Variants in HHIP observed in about 807,000 individuals in gnomAD.
HHIP encodes the protein hedgehog interacting protein.
Under a neutral mutation model 74.0 loss-of-function variants are expected in HHIP, and 12 were observed. The observed-to-expected ratio is 0.16, with a 90% CI of 0.10 to 0.26. The LOEUF (loss-of-function observed/expected upper bound fraction) is 0.26, where lower values mean the gene tolerates loss of function less well. HHIP is among the 10% of genes least tolerant of loss of function. The pLI, the probability that HHIP is intolerant of heterozygous loss-of-function variation, is 1.00. For missense variants in HHIP, 788 were observed against 845.0 expected, an observed-to-expected ratio of 0.93 and a Z score of 0.84; for synonymous variants, 309 against 311.6, an observed-to-expected ratio of 0.99 and a Z score of 0.09.
intron 11 of HHIP, among the ~76,000 whole-genome samples, chr4:144,729,918 T>C (rs1051649757): frequency 6.6e-6 from 1 of 152,206 alleles, no homozygotes; most frequent in African/African-American, 2.4e-5. Flanking sequence ...TTTATTTTTG[T>C]TAGACAAAAT....
At chr4:144,689,990 T>A (rs1729600602) in intron 4 of HHIP, among the ~76,000 whole-genome samples, 1 of 151,956 alleles carries the variant, frequency 6.6e-6, no homozygotes, top group Admixed American at 6.6e-5. Flanking sequence ...TGTATTTTTA[T>A]AGAGACAGGG....
rs1731158289 is a variant in HHIP at position 144,737,773 on chromosome 4, A to C, written c.1919A>C (p.Glu640Ala). 1 of 1,603,856 alleles carries C rather than the reference A, an allele frequency of 6.2e-7. No homozygotes were observed. The highest frequency in any genetic ancestry group is 1.1e-5 in the South Asian group (1 of 89,614). ...TCTTTTTCTCTCCCAGCAAAATGTG[A>C]GCCAGCATGTCGTCATGGAGGTGTC... The part of the protein sequence containing the change: ...EGDFCRTAKC[E>A]PACRHGGVCV... Residue 640 changes from glutamate to alanine, a missense_variant, in exon 13 of 13, where the codon GAG becomes GCG. By Grantham distance (107) the Glu-to-Ala change is moderately radical (BLOSUM62 -1). This residue lies in a region of HHIP where 343 missense variants were observed against 347.9 expected (regional missense o/e 0.99). Transcript: ENST00000296575.
Position 144,713,536 on chromosome 4 carries a change from C to G in HHIP, c.1424-689C>G, listed in dbSNP as rs150419811. Among the ~76,000 whole-genome samples, 148 of 152,214 alleles carry G rather than the reference C, an allele frequency of 9.7e-4. 1 individual carries two copies. Among genetic ancestry groups the G allele is most frequent in the African/African-American group, 3.4e-3 (143 of 41,562 alleles). On this transcript the variant is annotated intron_variant, in intron 8 of 12. Transcript: ENST00000296575. Reference sequence around the variant, plus strand: ...GATTAATTTGCAAGTAGCTTTAGAGCTTTTCCATTACAATTAGCATGCAGA... The same window carrying G: ...GATTAATTTGCAAGTAGCTTTAGAGGTTTTCCATTACAATTAGCATGCAGA...
chr4:144,708,108 A>T, intron 6 of HHIP, 60 bp from the exon 7 acceptor site: 1 of 1,543,546 alleles, frequency 6.5e-7, no homozygotes, highest in Non-Finnish European at 8.9e-7. Context: ...CACCATATTT[A>T]ATATAGGTGA....
intron 4 of HHIP, among the ~76,000 whole-genome samples, chr4:144,677,563 C>T (rs1402923880): frequency 6.6e-6 from 1 of 152,184 alleles, no homozygotes; most frequent in African/African-American, 2.4e-5. Context: ...CCAAAGCACT[C>T]AGCCACAAGT....
intron 4 of HHIP, among the ~76,000 whole-genome samples, chr4:144,665,706 T>C (rs1728841233): frequency 6.6e-6 from 1 of 152,228 alleles, no homozygotes; most frequent in Non-Finnish European, 1.5e-5. Context: ...TAAGTATAAG[T>C]GTGCATTTAT....
intron 11 of HHIP, among the ~76,000 whole-genome samples, chr4:144,723,533 C>T (rs1730697241): frequency 6.6e-6 from 1 of 152,170 alleles, no homozygotes; most frequent in Admixed American, 6.5e-5. Context: ...AAGAAAGTTA[C>T]ACATAATAGA....
rs1013523621 is a variant in HHIP at position 144,650,961 on chromosome 4, T to A, written c.280-1644T>A. The A allele has an allele frequency of 2.9e-4, 44 of 152,206 alleles. 1 individual carries two copies. Among genetic ancestry groups the A allele is most frequent in the Middle Eastern group, 6.8e-3 (2 of 294 alleles). The allele number at this position is 152,206 out of a possible 1,614,324, so 9.4% of individuals were successfully genotyped here. On this transcript the variant is annotated intron_variant, in intron 1 of 12. Coordinates refer to ENST00000296575, the MANE Select transcript of HHIP (RefSeq NM_022475.3). ...ATAATCTCCATAAAACCAAAGGTAA[T>A]TACATTCCAGTTTTTCAGCCAGCAA...
At position 144,737,775 on chromosome 4, in the gene HHIP, C is replaced by T. The variant is rs2126695953; in HGVS notation, c.1921C>T (p.Pro641Ser). The T allele has an allele frequency of 1.2e-6, 2 of 1,602,300 alleles. No individual in the cohort carries two copies. The highest frequency in any genetic ancestry group is 4.5e-5 in the East Asian group (2 of 44,612). The change falls in exon 13 of 13, where the codon CCA becomes TCA. Residue 641 changes from proline (P) to serine (S), a missense_variant. Transcript: ENST00000296575. ...TTTTTCTCTCCCAGCAAAATGTGAG[C>T]CAGCATGTCGTCATGGAGGTGTCTG... ...GDFCRTAKCE[P>S]ACRHGGVCVR...
intron 4 of HHIP, among the ~76,000 whole-genome samples, chr4:144,679,289 A>C (rs1729267926): frequency 6.6e-6 from 1 of 152,042 alleles, no homozygotes; most frequent in Admixed American, 6.6e-5. Context: ...CCTTTGTCAG[A>C]TTTATAGATT....
intron 4 of HHIP, among the ~76,000 whole-genome samples, chr4:144,700,051 T>C (rs1729933566): frequency 6.6e-6 from 1 of 152,230 alleles, no homozygotes; most frequent in South Asian, 2.1e-4. Flanking sequence ...TATCTTGGAA[T>C]CTCGTTTGAC....
chr4:144,695,837 A>T (rs1175940718), intron 4 of HHIP, among the ~76,000 whole-genome samples: 1 of 151,948 alleles, frequency 6.6e-6, no homozygotes, highest in Non-Finnish European at 1.5e-5. Flanking sequence ...ACAAATCTTT[A>T]TCAAAAGTAT....
At chr4:144,689,266 G>A (rs917602614) in intron 4 of HHIP, among the ~76,000 whole-genome samples, 5 of 152,144 alleles carry the variant, frequency 3.3e-5, no homozygotes, top group South Asian at 2.1e-4. Context: ...AGATGATGTC[G>A]TACATTATAA....
intron 12 of HHIP, among the ~76,000 whole-genome samples, chr4:144,735,717 A>G (rs768505284): frequency 3.0e-4 from 45 of 152,172 alleles, no homozygotes; most frequent in Non-Finnish European, 5.1e-4. Context: ...TCAAATTAAC[A>G]TTTAATATTA....
chr4:144,695,189 C>T (rs941019108), intron 4 of HHIP, among the ~76,000 whole-genome samples: 3 of 151,226 alleles, frequency 2.0e-5, no homozygotes, highest in African/African-American at 7.3e-5. Flanking sequence ...TAAGAATGGC[C>T]CTAAGAGTGA....
chr4:144,721,875 C>G (rs1227866922), intron 11 of HHIP, among the ~76,000 whole-genome samples: 1 of 151,358 alleles, frequency 6.6e-6, no homozygotes, highest in Non-Finnish European at 1.5e-5. Flanking sequence ...TGCACTCCAG[C>G]CTGGGTGACA....
chr4:144,646,439 C>T lies in HHIP; in HGVS notation c.-237C>T. 2.2e-6 allele frequency: 1 copy of T among 463,254 alleles called. No individual in the cohort carries two copies. The highest frequency in any genetic ancestry group is 5.6e-4 in the Middle Eastern group (1 of 1,800). 28.7% of individuals were successfully genotyped at this position (463,254 alleles called of 1,614,324 possible). A position where few individuals can be genotyped will look rare whatever the true frequency, so the allele number is the denominator to read the frequency against. On this transcript the variant is annotated 5_prime_UTR_variant, in exon 1 of 13. Coordinates refer to ENST00000296575, the MANE Select transcript of HHIP (RefSeq NM_022475.3). Reference sequence around the variant, plus strand: ...CTGGCACAACTGCAAACGGTGTCATCCGCACAACTTTATCTCGCTCCTCGG... The same window carrying T: ...CTGGCACAACTGCAAACGGTGTCATTCGCACAACTTTATCTCGCTCCTCGG...
chr4:144,655,674 A>G (rs960499143), intron 2 of HHIP, among the ~76,000 whole-genome samples: 3 of 152,128 alleles, frequency 2.0e-5, no homozygotes, highest in African/African-American at 4.8e-5. Context: ...CAGAAGGAAT[A>G]AACAGATGGA....
In HHIP at chr4:144,708,306, A is replaced by G. The variant is rs200491551; in HGVS notation, c.1296A>G (p.Pro432=). ...PEVFAHGLHD[P]GRCAVDRHPT... ...TGTTTGCTCATGGGCTCCACGATCC[A>G]GGCAGGTGAGAACACAAGTCTGTCT... The change falls in exon 7 of 13, where the codon CCA becomes CCG. Residue 432 remains proline (P), a synonymous_variant. Transcript: ENST00000296575. 92 of 1,614,122 alleles carry G rather than the reference A, an allele frequency of 5.7e-5. 1 individual carries two copies. The South Asian group carries it at 9.8e-4, about 17-fold the overall frequency.
Sources: gnomAD v4.1 joint callset for allele counts (sites outside exome capture counted in the v4.1 genomes callset) on GRCh38, gnomAD v4.1.1 for gene constraint, gnomAD v4.1.1 regional missense constraint, MANE v1.5 for transcripts, NCBI Gene and HGNC (gene_info 2026-07-23, HGNC 2026-07-21) for gene names.